Variants in FAM227B observed in about 807,000 individuals in gnomAD.
The protein encoded by FAM227B is family with sequence similarity 227 member B, also known as protein FAM227B.
A neutral mutation model predicts 73.8 loss-of-function variants in FAM227B; 88 were observed. That is an observed-to-expected ratio of 1.19 (90% CI 1.00 to 1.42). The LOEUF is 1.42. Among genes scored for constraint, FAM227B ranks in the 40% most tolerant of loss-of-function variants. The pLI is 0.00. For synonymous variants in FAM227B, 210 were observed against 190.5 expected, an observed-to-expected ratio of 1.10 and a Z score of -0.84; for missense variants, 632 against 590.9, an observed-to-expected ratio of 1.07 and a Z score of -0.72.
intron 9 of FAM227B, among the ~76,000 whole-genome samples, chr15:49,547,027 G>C (rs1353051458): frequency 6.6e-6 from 1 of 152,188 alleles, no homozygotes; most frequent in Admixed American, 6.5e-5. Flanking sequence ...AGGGCAGCCA[G>C]AGAGAAAGGT....
At chr15:49,467,146 T>C in intron 11 of FAM227B, among the ~76,000 whole-genome samples, 1 of 152,184 alleles carries the variant, frequency 6.6e-6, no homozygotes, top group Non-Finnish European at 1.5e-5. Flanking sequence ...TATTAGTATT[T>C]AAAATAAAGG....
At chr15:49,572,844 C>G (rs1033036763) in intron 8 of FAM227B, among the ~76,000 whole-genome samples, 2 of 152,076 alleles carry the variant, frequency 1.3e-5, no homozygotes, top group African/African-American at 2.4e-5. Context: ...CTTCAATTTG[C>G]TCTTGTGCTA....
chr15:49,608,200 T>A (rs889317867), intron 3 of FAM227B, among the ~76,000 whole-genome samples: 2 of 152,146 alleles, frequency 1.3e-5, no homozygotes, highest in Admixed American at 1.3e-4. Context: ...TTCTACATTA[T>A]AGCGCTGTGG....
At chr15:49,560,121 C>A (rs2152332893) in intron 9 of FAM227B, among the ~76,000 whole-genome samples, 1 of 152,072 alleles carries the variant, frequency 6.6e-6, no homozygotes, top group South Asian at 2.1e-4. Flanking sequence ...AAAATCAACA[C>A]AAAGAAACTT....
intron 11 of FAM227B, among the ~76,000 whole-genome samples, chr15:49,474,703 G>A (rs1413051224): frequency 6.6e-6 from 1 of 152,178 alleles, no homozygotes; most frequent in Admixed American, 6.5e-5. Context: ...CAGAGCAGGA[G>A]ATGAGCTGCG....
intron 13 of FAM227B, among the ~76,000 whole-genome samples, chr15:49,338,243 G>C (rs2040101014): frequency 1.3e-5 from 2 of 152,056 alleles, no homozygotes; most frequent in Non-Finnish European, 2.9e-5. Flanking sequence ...TTTACAATTT[G>C]GTATGTTTTT....
intron 11 of FAM227B, among the ~76,000 whole-genome samples, chr15:49,441,729 CTTA>C (rs2051666446): frequency 6.6e-6 from 1 of 151,436 alleles, no homozygotes; most frequent in Non-Finnish European, 1.5e-5. Context: ...ATTCATAATT[CTTA>C]TTCTTTATTA....
chr15:49,600,638 G>C (rs2077134642), intron 3 of FAM227B, among the ~76,000 whole-genome samples: 1 of 145,368 alleles, frequency 6.9e-6, no homozygotes, highest in Non-Finnish European at 1.5e-5. Context: ...CTGGGTGACA[G>C]AGCAAGACCA....
intron 11 of FAM227B, among the ~76,000 whole-genome samples, chr15:49,427,392 A>C (rs572129692): frequency 2.6e-5 from 4 of 152,012 alleles, no homozygotes; most frequent in Non-Finnish European, 5.9e-5. Context: ...GTCTACTAGA[A>C]TGAAATGCAG....
chr15:49,511,415 T>C (rs1162966739), intron 10 of FAM227B, among the ~76,000 whole-genome samples: 1 of 152,142 alleles, frequency 6.6e-6, no homozygotes, highest in Non-Finnish European at 1.5e-5. Context: ...TATGATATCT[T>C]CTTTGAAGAT....
At chr15:49,578,238 A>G (rs1253705185) in intron 5 of FAM227B, among the ~76,000 whole-genome samples, 1 of 152,198 alleles carries the variant, frequency 6.6e-6, no homozygotes, top group African/African-American at 2.4e-5. Context: ...TTCTCAGAAG[A>G]GGAAGTTCTC....
intron 9 of FAM227B, among the ~76,000 whole-genome samples, chr15:49,554,427 A>C (rs1189210724): frequency 6.6e-6 from 1 of 152,178 alleles, no homozygotes; most frequent in African/African-American, 2.4e-5. Context: ...GGAGACACAG[A>C]ATGTGTAGCC....
intron 11 of FAM227B, among the ~76,000 whole-genome samples, chr15:49,504,150 A>G (rs1287423452): frequency 6.6e-6 from 1 of 152,066 alleles, no homozygotes; most frequent in Admixed American, 6.5e-5. Flanking sequence ...GACGGAAACC[A>G]TCATTCTCAG....
chr15:49,466,786 A>G (rs1383798356), intron 11 of FAM227B, among the ~76,000 whole-genome samples: 2 of 152,190 alleles, frequency 1.3e-5, no homozygotes, highest in Admixed American at 6.5e-5. Flanking sequence ...GGGGTCTTTA[A>G]CCCTTTTTAA....
chr15:49,443,242 A>G (rs578256211), intron 11 of FAM227B, among the ~76,000 whole-genome samples: 2 of 151,834 alleles, frequency 1.3e-5, no homozygotes, highest in African/African-American at 4.8e-5. Context: ...TTAAAAGAAA[A>G]GTAATAAATA....
intron 10 of FAM227B, among the ~76,000 whole-genome samples, chr15:49,513,909 T>C (rs2059197687): frequency 6.6e-6 from 1 of 152,152 alleles, no homozygotes; most frequent in African/African-American, 2.4e-5. Flanking sequence ...TAGTTGTAGA[T>C]GTGTGGTCTT....
chr15:49,364,687 G>T (rs2044818690), intron 13 of FAM227B, among the ~76,000 whole-genome samples: 1 of 152,034 alleles, frequency 6.6e-6, no homozygotes, highest in Non-Finnish European at 1.5e-5. Context: ...CCGTTGAACT[G>T]CCTTCTTGCA....
chr15:49,353,674 C>G (rs1019182179), intron 13 of FAM227B: 2 of 146,878 alleles, frequency 1.4e-5, no homozygotes, highest in Non-Finnish European at 3.0e-5. Context: ...GCAGTATAGG[C>G]TTTCCTATTC....
chr15:49,613,561 C>T (rs2078093924), intron 2 of FAM227B, among the ~76,000 whole-genome samples: 1 of 152,020 alleles, frequency 6.6e-6, no homozygotes. Flanking sequence ...TATTCGATAG[C>T]ACAACTGGCT....
Sources: allele counts gnomAD v4.1 joint callset (sites outside exome capture counted in the v4.1 genomes callset), GRCh38; gene constraint gnomAD v4.1.1; transcripts MANE v1.5; gene names NCBI Gene and HGNC (gene_info 2026-07-23, HGNC 2026-07-21).